RSRC1: variants seen among roughly 807,000 people sequenced by gnomAD.
The protein encoded by RSRC1 is arginine and serine rich coiled-coil 1, also known as serine/Arginine-related protein 53.
In RSRC1, 39 loss-of-function variants were observed where a neutral mutation model predicts 49.1. That is an observed-to-expected ratio of 0.79 (90% CI 0.61 to 1.04). The LOEUF (loss-of-function observed/expected upper bound fraction) is 1.04. RSRC1 is among the 50% of genes least tolerant of loss of function. The pLI is 0.00. For synonymous variants in RSRC1, 143 were observed against 130.8 expected (o/e 1.09, Z -0.63); for missense variants, 388 against 402.4 (o/e 0.96, Z 0.31).
chr3:158,420,813 T>C (rs1735002938), intron 6 of RSRC1, among the ~76,000 whole-genome samples: 1 of 151,934 alleles, frequency 6.6e-6, no homozygotes, highest in African/African-American at 2.4e-5. Flanking sequence ...AAAATATTTA[T>C]TGAGCACTTT....
chr3:158,173,777 A>G (rs577146511), intron 3 of RSRC1, among the ~76,000 whole-genome samples: 2 of 152,148 alleles, frequency 1.3e-5, no homozygotes, highest in South Asian at 4.1e-4. Flanking sequence ...TTCAACATTA[A>G]AAGGAACCAA....
intron 4 of RSRC1, among the ~76,000 whole-genome samples, chr3:158,252,416 C>T (rs556466744): frequency 4.5e-4 from 69 of 152,266 alleles, no homozygotes; most frequent in African/African-American, 1.5e-3. Flanking sequence ...CTGCCCACCT[C>T]AGCCTCCCAA....
chr3:158,452,867 G>A (rs1737117891), intron 6 of RSRC1, among the ~76,000 whole-genome samples: 1 of 152,112 alleles, frequency 6.6e-6, no homozygotes, highest in South Asian at 2.1e-4. Flanking sequence ...CACTGCAGTT[G>A]GGTAGAAGCC....
chr3:158,483,351 T>C (rs1738691816), intron 7 of RSRC1, among the ~76,000 whole-genome samples: 1 of 152,078 alleles, frequency 6.6e-6, no homozygotes, highest in South Asian at 2.1e-4. Flanking sequence ...AGACAGTAGA[T>C]CTTCGGTGTT....
intron 7 of RSRC1, among the ~76,000 whole-genome samples, chr3:158,465,174 C>T (rs144847961): frequency 1.1e-3 from 167 of 152,178 alleles, no homozygotes; most frequent in African/African-American, 3.8e-3. Flanking sequence ...GTCCTTTTTG[C>T]ATAATCTCTA....
chr3:158,316,462 T>TG (rs1728460118), intron 5 of RSRC1, among the ~76,000 whole-genome samples: 1 of 90,114 alleles, frequency 1.1e-5, no homozygotes, highest in Non-Finnish European at 2.2e-5. Context: ...TTTTTTTTTT[T>TG]TTGAGACGGA....
chr3:158,423,925 A>G (rs1443545136), intron 6 of RSRC1, among the ~76,000 whole-genome samples: 34 of 151,000 alleles, frequency 2.3e-4, no homozygotes, highest in Admixed American at 1.1e-3. Context: ...TTGATTTTGT[A>G]TCCTGAGACT....
intron 8 of RSRC1, among the ~76,000 whole-genome samples, chr3:158,540,227 A>T (rs1712961545): frequency 6.6e-6 from 1 of 152,162 alleles, no homozygotes; most frequent in African/African-American, 2.4e-5. Context: ...TGTGTTGGAG[A>T]CATACAAATG....
intron 6 of RSRC1, among the ~76,000 whole-genome samples, chr3:158,372,916 G>T (rs1300837583): frequency 2.0e-5 from 3 of 151,594 alleles, no homozygotes; most frequent in Non-Finnish European, 4.4e-5. Context: ...GCATGTATTT[G>T]TTAAATTTAT....
At chr3:158,175,465 T>C (rs1210607473) in intron 3 of RSRC1, among the ~76,000 whole-genome samples, 1 of 151,306 alleles carries the variant, frequency 6.6e-6, no homozygotes, top group East Asian at 1.9e-4. Flanking sequence ...TATTTTCATG[T>C]GTGGTGTGTA....
intron 6 of RSRC1, among the ~76,000 whole-genome samples, chr3:158,429,350 G>A (rs906310399): frequency 8.1e-5 from 12 of 148,478 alleles, no homozygotes; most frequent in African/African-American, 3.0e-4. Context: ...ACGTTTTGGA[G>A]TGTGAAAAAC....
At chr3:158,456,609 G>A (rs1039111883) in intron 6 of RSRC1, among the ~76,000 whole-genome samples, 1 of 152,178 alleles carries the variant, frequency 6.6e-6, no homozygotes, top group Non-Finnish European at 1.5e-5. Context: ...TCCACTTGGG[G>A]ACAAAGGTTG....
intron 7 of RSRC1, among the ~76,000 whole-genome samples, chr3:158,518,118 G>GCATA (rs1341871336): frequency 2.6e-4 from 20 of 75,796 alleles, no homozygotes; most frequent in Middle Eastern, 7.1e-3. Flanking sequence ...GTGTGTGTGT[G>GCATA]TGTGTGTGTA....
At chr3:158,229,378 A>G (rs1467798450) in intron 4 of RSRC1, among the ~76,000 whole-genome samples, 1 of 114,046 alleles carries the variant, frequency 8.8e-6, no homozygotes, top group Admixed American at 8.6e-5. Flanking sequence ...GTATATGTGT[A>G]TGTATGTGTA....
chr3:158,322,385 C>T (rs1728813040), intron 5 of RSRC1, among the ~76,000 whole-genome samples: 1 of 152,196 alleles, frequency 6.6e-6, no homozygotes, highest in African/African-American at 2.4e-5. Context: ...GTGTGAGCCA[C>T]TGCCTGTCCC....
intron 3 of RSRC1, among the ~76,000 whole-genome samples, chr3:158,170,283 T>C (rs1718797428): frequency 6.7e-6 from 1 of 149,034 alleles, no homozygotes; most frequent in Admixed American, 6.8e-5. Flanking sequence ...TCTTCTTTTA[T>C]ATGTTAACCT....
At chr3:158,505,719 G>A (rs922269874) in intron 7 of RSRC1, among the ~76,000 whole-genome samples, 2 of 144,156 alleles carry the variant, frequency 1.4e-5, no homozygotes, top group African/African-American at 5.2e-5. Context: ...ATAGGTTCAA[G>A]GAAGAAAGTA....
chr3:158,419,820 CAA>C (rs10574446), intron 6 of RSRC1, among the ~76,000 whole-genome samples: 44,999 of 134,294 alleles, frequency 0.34, 7,152 homozygotes, highest in African/African-American at 0.45. Flanking sequence ...TTAAATCTAG[CAA>C]AAAAAAAAAA....
At chr3:158,222,494 T>G (rs906135879) in intron 4 of RSRC1, among the ~76,000 whole-genome samples, 1 of 151,560 alleles carries the variant, frequency 6.6e-6, no homozygotes, top group African/African-American at 2.4e-5. Context: ...TCACAACATC[T>G]TGTTTGTACA....
Sources: allele counts gnomAD v4.1 joint callset (sites outside exome capture counted in the v4.1 genomes callset), GRCh38; gene constraint gnomAD v4.1.1; transcripts MANE v1.5; gene names NCBI Gene and HGNC (gene_info 2026-07-23, HGNC 2026-07-21).